CACFD1: variants seen among roughly 807,000 people sequenced by gnomAD.
The protein encoded by CACFD1 is calcium channel flower homolog.
A neutral mutation model predicts 21.3 loss-of-function variants in CACFD1; 26 were observed. The observed-to-expected ratio is 1.22, with a 90% CI of 0.89 to 1.69. The LOEUF (loss-of-function observed/expected upper bound fraction) is 1.69. Among genes scored for constraint, CACFD1 ranks in the 40% most tolerant of loss-of-function variants. The pLI, the probability that CACFD1 is intolerant of heterozygous loss-of-function variation, is 0.00. For synonymous variants in CACFD1, 121 were observed against 106.6 expected, an observed-to-expected ratio of 1.13 and a Z score of -0.83; for missense variants, 265 against 236.2, an observed-to-expected ratio of 1.12 and a Z score of -0.80.
In CACFD1 at chr9:133,468,866, C is replaced by G. The variant is rs1402947808; in HGVS notation, c.*213C>G. 7 of 760,270 alleles carry G rather than the reference C, an allele frequency of 9.2e-6. No homozygotes were observed. Among genetic ancestry groups the G allele is most frequent in the Non-Finnish European group, 1.4e-5 (7 of 493,500 alleles). 47.1% of individuals were successfully genotyped at this position (760,270 alleles called of 1,614,324 possible). A position where few individuals can be genotyped will look rare whatever the true frequency, so the allele number is the denominator to read the frequency against. On this transcript the variant is annotated 3_prime_UTR_variant, in exon 5 of 5. Coordinates refer to ENST00000316948, the MANE Select transcript of CACFD1 (RefSeq NM_017586.5). ...TGGGCTGCTGGACTTGAGGCAGAGC[C>G]TGCAGCAGCTGTGTGGACACTACCC...
intron 4 of CACFD1, chr9:133,468,235 G>A (rs909625922): frequency 8.7e-6 from 12 of 1,379,592 alleles, no homozygotes; most frequent in East Asian, 5.0e-5. Flanking sequence ...GTCTTGCCCC[G>A]TCACGGCCTG....
At position 133,465,163 on chromosome 9, in the gene CACFD1, G is replaced by A. The variant is rs587671856; in HGVS notation, c.195-159G>A. The A allele has an allele frequency of 5.3e-6, 4 of 752,264 alleles. No homozygotes were observed. Among genetic ancestry groups the A allele is most frequent in the African/African-American group, 5.1e-5 (3 of 58,534 alleles). The allele number at this position is 752,264 out of a possible 1,614,324, so 46.6% of individuals were successfully genotyped here. ...TCAGCAGAGGCTCTCCGAGGGGTAC[G>A]AGCAGGTGCCCTGGAGCAGCCGGGC... is the stretch of plus-strand genomic sequence containing the variant. On this transcript the variant is annotated intron_variant, in intron 2 of 4. Transcript: ENST00000316948. This position sits in a 1 kb window ranked among gnomAD's most constrained non-coding sequence, Gnocchi z 5.0.
intron 1 of CACFD1, chr9:133,462,317 C>T (rs782490350): frequency 1.5e-5 from 19 of 1,296,572 alleles, no homozygotes; most frequent in Non-Finnish European, 1.9e-5. Flanking sequence ...TCTGGAACAC[C>T]TTGCTGTCTG....
chr9:133,467,433 T>C (rs1588230954), intron 3 of CACFD1, among the ~76,000 whole-genome samples: 1 of 152,386 alleles, frequency 6.6e-6, no homozygotes, highest in East Asian at 1.9e-4. Context: ...CTTGTGGCGA[T>C]GTGGCTGGTG....
At position 133,465,191 on chromosome 9, in the gene CACFD1, C is replaced by A; in HGVS notation, c.195-131C>A. On this transcript the variant is annotated intron_variant, in intron 2 of 4. Transcript: ENST00000316948. This position sits in a 1 kb window ranked among gnomAD's most constrained non-coding sequence, Gnocchi z 5.0. ...CAGGTGCCCTGGAGCAGCCGGGCGGCTTCCCAGAGGAGGAGGGATGAGGGC... is the reference window on the plus strand; with the variant it reads ...CAGGTGCCCTGGAGCAGCCGGGCGGATTCCCAGAGGAGGAGGGATGAGGGC... 9.0e-7 allele frequency: 1 copy of A among 1,106,176 alleles called. No homozygotes were observed. The highest frequency in any genetic ancestry group is 1.8e-5 in the Admixed American group (1 of 56,294). 68.5% of individuals were successfully genotyped at this position (1,106,176 alleles called of 1,614,324 possible).
chr9:133,460,774 G>A (rs1015365237), intron 1 of CACFD1, among the ~76,000 whole-genome samples: 7 of 152,198 alleles, frequency 4.6e-5, no homozygotes, highest in Non-Finnish European at 1.5e-5. Context: ...GGGGCCGCGG[G>A]GCAGTGAGCT....
chr9:133,467,807 A>G, intron 3 of CACFD1, 114 bp from the exon 4 acceptor site: 1 of 707,522 alleles, frequency 1.4e-6, no homozygotes, highest in Non-Finnish European at 2.5e-6. Flanking sequence ...ATTTTTGGGG[A>G]TCCTTCCTGT....
chr9:133,464,207 G>T (rs781956155), intron 2 of CACFD1, among the ~76,000 whole-genome samples: 1 of 152,216 alleles, frequency 6.6e-6, no homozygotes, highest in African/African-American at 2.4e-5. Flanking sequence ...GTCCTCATGG[G>T]GCTTGGTGCC....
chr9:133,465,551 C>G lies in CACFD1; in HGVS notation c.320+104C>G, dbSNP rs1843403216. On this transcript the variant is annotated intron_variant, in intron 3 of 4. Coordinates refer to ENST00000316948, the MANE Select transcript of CACFD1 (RefSeq NM_017586.5). This position sits in a 1 kb window ranked among gnomAD's most constrained non-coding sequence, Gnocchi z 5.0. ...AGGGTGGGCAGTGTATTCAGTTCCT[C>G]TCTGTGGAAGTGTAAACTGGGATTG... 8.4e-7 allele frequency: 1 copy of G among 1,196,946 alleles called. No individual in the cohort carries two copies. Among genetic ancestry groups the G allele is most frequent in the African/African-American group, 1.5e-5 (1 of 65,834 alleles). 74.1% of individuals were successfully genotyped at this position (1,196,946 alleles called of 1,614,324 possible). A position where few individuals can be genotyped will look rare whatever the true frequency, so the allele number is the denominator to read the frequency against.
rs898900414 is a variant in CACFD1, at chr9:133,470,195, G to C, written c.*1542G>C. On this transcript the variant is annotated 3_prime_UTR_variant, in exon 5 of 5. Transcript: ENST00000316948. ...CAGTGCTGGGTTCAAAGGGCTGTGT[G>C]TGTGTGTGTGTGTGTGTGTGTGTGT... The C allele has an allele frequency of 1.4e-4, 1 of 7,140 alleles. No individual in the cohort carries two copies. The highest frequency in any genetic ancestry group is 2.3e-4 in the African/African-American group (1 of 4,416). The allele number at this position is 7,140 out of a possible 1,614,324, so 0.4% of individuals were successfully genotyped here.
intron 1 of CACFD1, among the ~76,000 whole-genome samples, chr9:133,460,873 C>T (rs905144287): frequency 1.3e-5 from 2 of 152,208 alleles, no homozygotes; most frequent in Middle Eastern, 3.2e-3. Context: ...GCCTTCCTCC[C>T]CTTCTCCGCA....
chr9:133,469,004 G>C lies in CACFD1; in HGVS notation c.*351G>C. ...CCTGGAGATGCTGGTCCTGGCTTGA[G>C]GGGAGGGGCAAGTGGGACCCTGCCA... is the stretch of plus-strand genomic sequence containing the variant. On this transcript the variant is annotated 3_prime_UTR_variant, in exon 5 of 5. Transcript: ENST00000316948. 1 of 340,896 alleles carries C rather than the reference G, an allele frequency of 2.9e-6. No individual in the cohort carries two copies. Among genetic ancestry groups the C allele is most frequent in the Non-Finnish European group, 5.3e-6 (1 of 188,056 alleles). The allele number at this position is 340,896 out of a possible 1,614,324, so 21.1% of individuals were successfully genotyped here.
Position 133,467,344 on chromosome 9 carries a change from C to CGACCCCGCA in CACFD1, c.321-566_321-558dup, listed in dbSNP as rs587660562. On this transcript the variant is annotated intron_variant, in intron 3 of 4. Transcript: ENST00000316948. ...CGCCAAACTGCAGCAAGGTCTGGGC[C>CGACCCCGCA]GACCCCGCAGACCCCGCAGCCTGCA... 2.1e-3 allele frequency among the ~76,000 whole-genome samples: 314 copies of CGACCCCGCA among 152,318 alleles called. 1 individual carries two copies. The highest frequency in any genetic ancestry group is 7.2e-3 in the African/African-American group (301 of 41,556).
Position 133,469,445 on chromosome 9 carries a change from C to G in CACFD1, c.*792C>G, listed in dbSNP as rs1295798357. ...CTCCCTGGTGTGGCCCCGTCAACAT[C>G]AGCCACAGCCCAGCCCCATTAGTGG... On this transcript the variant is annotated 3_prime_UTR_variant, in exon 5 of 5. Transcript: ENST00000316948. 6.6e-6 allele frequency: 1 copy of G among 152,380 alleles called. No homozygotes were observed. Among genetic ancestry groups the G allele is most frequent in the African/African-American group, 2.4e-5 (1 of 41,468 alleles). 9.4% of individuals were successfully genotyped at this position (152,380 alleles called of 1,614,324 possible).
At chr9:133,463,740 C>T (rs1256237784) in intron 2 of CACFD1, among the ~76,000 whole-genome samples, 185 bp downstream of exon 2, 3 of 152,392 alleles carry the variant, frequency 2.0e-5, no homozygotes, top group Non-Finnish European at 4.4e-5. Context: ...GCTTCTTCCC[C>T]TTCATACCCC....
At chr9:133,463,664 G>A (rs1843313856) in intron 2 of CACFD1, 109 bp downstream of exon 2, 3 of 1,143,274 alleles carry the variant, frequency 2.6e-6, no homozygotes, top group Admixed American at 1.8e-5. Flanking sequence ...GCATCCTTGT[G>A]GTTGCCATGG....
In CACFD1 at chr9:133,465,537, T is replaced by C; in HGVS notation, c.320+90T>C. 4.7e-6 allele frequency: 6 copies of C among 1,280,790 alleles called. No homozygotes were observed. The highest frequency in any genetic ancestry group is 1.4e-5 in the South Asian group (1 of 73,808). 79.3% of individuals were successfully genotyped at this position (1,280,790 alleles called of 1,614,324 possible). On this transcript the variant is annotated intron_variant, in intron 3 of 4. Transcript: ENST00000316948. The surrounding 1 kb of genome is among the most constrained non-coding windows in gnomAD (Gnocchi z 5.0). ...CCAAAAGTCAGGTGAGGGTGGGCAG[T>C]GTATTCAGTTCCTCTCTGTGGAAGT...
At chr9:133,466,869 T>C (rs1367703030) in intron 3 of CACFD1, among the ~76,000 whole-genome samples, 7 of 152,208 alleles carry the variant, frequency 4.6e-5, no homozygotes, top group Non-Finnish European at 2.9e-5. Flanking sequence ...CTTTTTAACC[T>C]GTGGGAACCT....
At chr9:133,463,352 T>G in intron 1 of CACFD1, 131 bp from the exon 2 acceptor site, 2 of 1,540,218 alleles carry the variant, frequency 1.3e-6, no homozygotes, top group Non-Finnish European at 1.7e-6. Flanking sequence ...GGCAGGCTTC[T>G]GGGTGCTGTG....
Sources: gnomAD v4.1 joint callset for allele counts (sites outside exome capture counted in the v4.1 genomes callset) on GRCh38, gnomAD v4.1.1 for gene constraint, Gnocchi (gnomAD v3.1) non-coding constraint, MANE v1.5 for transcripts, NCBI Gene and HGNC (gene_info 2026-07-23, HGNC 2026-07-21) for gene names.